The following CSMD1 variants were observed in gnomAD, a reference collection of about 807,000 sequenced individuals.
The protein encoded by CSMD1 is CUB and Sushi multiple domains 1.
CSMD1 carries 213 observed loss-of-function variants against 417.5 expected under a neutral mutation model. The observed-to-expected ratio is 0.51, with a 90% CI of 0.46 to 0.57. CSMD1 has a LOEUF of 0.57. Among genes scored for constraint, CSMD1 ranks in the 20% least tolerant of loss-of-function variants. The pLI is 0.00. For synonymous variants in CSMD1, 2,862 were observed against 1,736.8 expected, an observed-to-expected ratio of 1.65 and a Z score of -16.11; for missense variants, 6,923 against 4,529.7, an observed-to-expected ratio of 1.53 and a Z score of -15.17.
At chr8:4,325,948 G>C (rs1030895176) in intron 3 of CSMD1, among the ~76,000 whole-genome samples, 1 of 152,152 alleles carries the variant, frequency 6.6e-6, no homozygotes, top group East Asian at 1.9e-4. Context: ...TTCTGTTCAC[G>C]GTCATATCAG....
intron 10 of CSMD1, among the ~76,000 whole-genome samples, chr8:3,494,799 A>C (rs995683991): frequency 6.6e-6 from 1 of 152,202 alleles, no homozygotes; most frequent in East Asian, 1.9e-4. Context: ...CTGGAAGTAC[A>C]TTTTAATAAA....
intron 5 of CSMD1, among the ~76,000 whole-genome samples, chr8:3,915,682 T>A (rs1025236949): frequency 6.6e-6 from 1 of 151,662 alleles, no homozygotes; most frequent in East Asian, 1.9e-4. Flanking sequence ...ACTAATAATG[T>A]AGAACTCTAT....
intron 5 of CSMD1, among the ~76,000 whole-genome samples, chr8:3,915,453 G>T (rs1430042406): frequency 1.4e-5 from 2 of 146,704 alleles, no homozygotes; most frequent in African/African-American, 2.5e-5. Context: ...AGGTTCGGAA[G>T]ATCACTTCAA....
rs1320639244 is a variant in CSMD1 at position 3,098,586 on chromosome 8, C to A, written c.6950-1549G>T. 2.6e-5 allele frequency among the ~76,000 whole-genome samples: 4 copies of A among 152,140 alleles called. No homozygotes were observed. The East Asian group carries it at 7.7e-4, about 29-fold the overall frequency. On this transcript the variant is annotated intron_variant, in intron 46 of 69. Coordinates refer to ENST00000635120, the MANE Select transcript of CSMD1 (RefSeq NM_033225.6). ...TAATATAAACTAAAATAATCCTAATCAGAACACACAGATTGAAACAACTGA... is the reference window on the plus strand; with the variant it reads ...TAATATAAACTAAAATAATCCTAATAAGAACACACAGATTGAAACAACTGA...
chr8:3,946,692 G>A lies in CSMD1; in HGVS notation c.818+51211C>T, dbSNP rs551471146. Among the ~76,000 whole-genome samples the A allele has an allele frequency of 6.0e-4, 92 of 152,166 alleles. 1 individual carries two copies. Among genetic ancestry groups the A allele is most frequent in the South Asian group, 2.9e-3 (14 of 4,826 alleles). ...TGCATCTTCTCATTCATGGTCTAGT[G>A]TATCTCCCCTTTTCATTTTTCATAT... is the stretch of plus-strand genomic sequence containing the variant. On this transcript the variant is annotated intron_variant, in intron 5 of 69. Coordinates refer to ENST00000635120, the MANE Select transcript of CSMD1 (RefSeq NM_033225.6).
intron 3 of CSMD1, among the ~76,000 whole-genome samples, chr8:4,053,462 G>C (rs969762482): frequency 6.7e-6 from 1 of 149,782 alleles, no homozygotes; most frequent in Non-Finnish European, 1.5e-5. Context: ...CCCTACTGAA[G>C]TTCAAGGTTT....
chr8:4,807,702 T>A (rs953006581), intron 1 of CSMD1, among the ~76,000 whole-genome samples: 1 of 152,182 alleles, frequency 6.6e-6, no homozygotes, highest in Non-Finnish European at 1.5e-5. Context: ...TGTTTTCTTA[T>A]ATGTTAAACT....
chr8:3,745,396 T>C (rs1225431925), intron 6 of CSMD1, among the ~76,000 whole-genome samples: 1 of 152,126 alleles, frequency 6.6e-6, no homozygotes, highest in African/African-American at 2.4e-5. Flanking sequence ...CTCTGAGACA[T>C]TTCTTCAAAA....
intron 5 of CSMD1, among the ~76,000 whole-genome samples, chr8:3,917,967 G>C (rs1002593197): frequency 4.9e-4 from 74 of 152,094 alleles, no homozygotes; most frequent in African/African-American, 1.4e-3. Flanking sequence ...ATTTAAGCTG[G>C]TTTATTTCAT....
intron 2 of CSMD1, among the ~76,000 whole-genome samples, chr8:4,633,963 G>C (rs1450498652): frequency 6.7e-6 from 1 of 150,032 alleles, no homozygotes; most frequent in Non-Finnish European, 1.5e-5. Flanking sequence ...ATAAAGTTCA[G>C]CTGTTTAAAA....
chr8:4,831,228 A>C (rs1800132125), intron 1 of CSMD1, among the ~76,000 whole-genome samples: 1 of 152,228 alleles, frequency 6.6e-6, no homozygotes, highest in Non-Finnish European at 1.5e-5. Flanking sequence ...CACCTGACAA[A>C]AAGAGGGAGA....
chr8:4,352,068 G>A (rs1801129914), intron 3 of CSMD1, among the ~76,000 whole-genome samples: 1 of 151,030 alleles, frequency 6.6e-6, no homozygotes, highest in African/African-American at 2.4e-5. Context: ...ATTATTCAGT[G>A]TTAGCCACTC....
chr8:3,056,366 GTTTTTTTC>G (rs1156822191), intron 49 of CSMD1, among the ~76,000 whole-genome samples: 3 of 152,054 alleles, frequency 2.0e-5, no homozygotes, highest in Non-Finnish European at 2.9e-5. Context: ...ACGTTTCTCT[GTTTTTTTC>G]TTTTTTTCTT....
At chr8:4,193,293 A>T (rs965206714) in intron 3 of CSMD1, among the ~76,000 whole-genome samples, 1 of 152,200 alleles carries the variant, frequency 6.6e-6, no homozygotes, top group African/African-American at 2.4e-5. Flanking sequence ...TTAAAATACC[A>T]TGCCCATAAT....
Position 4,459,470 on chromosome 8 carries a change from G to A in CSMD1, c.303-39405C>T, listed in dbSNP as rs148389965. On this transcript the variant is annotated intron_variant, in intron 2 of 69. Transcript: ENST00000635120. ...TTTTTCCCAAGAGGAGAGATAGAGG[G>A]CAGGAAATTCAAATCCAAGGTTGCT... 5.7e-3 allele frequency among the ~76,000 whole-genome samples: 865 copies of A among 152,302 alleles called. 5 individuals are homozygous for A. Among genetic ancestry groups the A allele is most frequent in the African/African-American group, 0.015 (638 of 41,564 alleles).
At chr8:4,063,658 A>AG (rs1799096014) in intron 3 of CSMD1, among the ~76,000 whole-genome samples, 1 of 152,184 alleles carries the variant, frequency 6.6e-6, no homozygotes, top group Non-Finnish European at 1.5e-5. Flanking sequence ...TGCCTCCCTG[A>AG]GGGGCATTCT....
intron 26 of CSMD1, among the ~76,000 whole-genome samples, chr8:3,235,919 T>TTG (rs1285852476): frequency 7.1e-6 from 1 of 141,360 alleles, no homozygotes; most frequent in Non-Finnish European, 1.5e-5. Context: ...GATGTAAGTT[T>TTG]TTTTTTTTTT....
intron 7 of CSMD1, among the ~76,000 whole-genome samples, chr8:3,645,497 G>C (rs770398369): frequency 4.6e-5 from 7 of 152,176 alleles, no homozygotes; most frequent in Non-Finnish European, 1.0e-4. Flanking sequence ...GGAAGAAATG[G>C]GGAAGGGGAA....
At chr8:4,606,516 G>C (rs902333620) in intron 2 of CSMD1, among the ~76,000 whole-genome samples, 1 of 152,154 alleles carries the variant, frequency 6.6e-6, no homozygotes. Flanking sequence ...TGTGGCTGAA[G>C]ACAACAGCGG....
Sources: gnomAD v4.1 joint callset for allele counts (sites outside exome capture counted in the v4.1 genomes callset) on GRCh38, gnomAD v4.1.1 for gene constraint, MANE v1.5 for transcripts, NCBI Gene and HGNC (gene_info 2026-07-23, HGNC 2026-07-21) for gene names.